The following DPP10 variants were observed in gnomAD, a reference collection of about 807,000 sequenced individuals.
DPP10 encodes inactive dipeptidyl peptidase 10.
Under a neutral mutation model 120.9 loss-of-function variants are expected in DPP10, and 33 were observed. The ratio of observed to expected loss-of-function variants is 0.27; its 90% CI spans 0.21 to 0.37. DPP10 has a LOEUF of 0.37. DPP10 is among the 10% of genes least tolerant of loss of function. The pLI, the probability that DPP10 is intolerant of heterozygous loss-of-function variation, is 1.00. For missense variants in DPP10, 816 were observed against 942.8 expected, an observed-to-expected ratio of 0.87 and a Z score of 1.76; for synonymous variants, 337 against 326.1, an observed-to-expected ratio of 1.03 and a Z score of -0.36.
At chr2:114,621,053 G>A (rs1459753369) in intron 1 of DPP10, among the ~76,000 whole-genome samples, 1 of 152,014 alleles carries the variant, frequency 6.6e-6, no homozygotes, top group Middle Eastern at 3.2e-3. Context: ...AGCTCTGTGG[G>A]GTTCTGAGAG....
intron 3 of DPP10, among the ~76,000 whole-genome samples, chr2:115,379,143 G>T (rs1325080101): frequency 6.6e-6 from 1 of 152,168 alleles, no homozygotes. Context: ...GTTCCTCCTT[G>T]TACCTCTGGT....
At chr2:115,214,173 G>A (rs1162524714) in intron 1 of DPP10, among the ~76,000 whole-genome samples, 2 of 152,158 alleles carry the variant, frequency 1.3e-5, no homozygotes, top group Non-Finnish European at 2.9e-5. Context: ...AGAACTGAGA[G>A]CAGTTGTGGA....
At chr2:114,941,463 C>G (rs772640947) in intron 1 of DPP10, among the ~76,000 whole-genome samples, 1 of 152,104 alleles carries the variant, frequency 6.6e-6, no homozygotes, top group Non-Finnish European at 1.5e-5. Flanking sequence ...TTAGTTATTC[C>G]TTGGATATTA....
At chr2:115,663,786 G>A (rs2149418037) in intron 5 of DPP10, among the ~76,000 whole-genome samples, 1 of 152,120 alleles carries the variant, frequency 6.6e-6, no homozygotes, top group South Asian at 2.1e-4. Context: ...CACGAGGTCG[G>A]GAGGTCCAGA....
At chr2:115,488,986 C>T (rs2075939653) in intron 3 of DPP10, among the ~76,000 whole-genome samples, 1 of 151,740 alleles carries the variant, frequency 6.6e-6, no homozygotes, top group African/African-American at 2.4e-5. Context: ...TTTTGGAAAT[C>T]CAAAAGAACA....
At chr2:115,780,147 CA>C (rs1321497356) in intron 15 of DPP10, among the ~76,000 whole-genome samples, 1 of 151,856 alleles carries the variant, frequency 6.6e-6, no homozygotes, top group Non-Finnish European at 1.5e-5. Context: ...CCAAATTTTG[CA>C]TTCAGACTTA....
intron 1 of DPP10, among the ~76,000 whole-genome samples, chr2:115,106,728 T>C (rs1216899877): frequency 6.6e-6 from 1 of 152,134 alleles, no homozygotes; most frequent in Non-Finnish European, 1.5e-5. Context: ...CCCAAAGTTC[T>C]GGGATTACAG....
At chr2:114,508,910 A>G (rs565956166) in intron 1 of DPP10, among the ~76,000 whole-genome samples, 1 of 152,104 alleles carries the variant, frequency 6.6e-6, no homozygotes, top group Non-Finnish European at 1.5e-5. Flanking sequence ...TTAATTATGT[A>G]TGCTTAAACT....
intron 1 of DPP10, among the ~76,000 whole-genome samples, chr2:115,125,703 C>G (rs2050043332): frequency 1.3e-5 from 2 of 151,430 alleles, no homozygotes; most frequent in Non-Finnish European, 2.9e-5. Flanking sequence ...TCCTGAGTAG[C>G]TGGGACTACA....
chr2:115,714,341 A>G (rs902484228), intron 7 of DPP10, among the ~76,000 whole-genome samples: 1 of 152,232 alleles, frequency 6.6e-6, no homozygotes, highest in African/African-American at 2.4e-5. Context: ...AATAATTTCC[A>G]GATCAATTAA....
intron 7 of DPP10, among the ~76,000 whole-genome samples, chr2:115,703,466 A>G (rs1343735878): frequency 6.6e-6 from 1 of 152,032 alleles, no homozygotes; most frequent in Non-Finnish European, 1.5e-5. Flanking sequence ...GACAAGTTTG[A>G]AGTCTATGGA....
At chr2:115,048,260 G>A (rs190506464) in intron 1 of DPP10, among the ~76,000 whole-genome samples, 5 of 151,392 alleles carry the variant, frequency 3.3e-5, no homozygotes, top group Admixed American at 2.0e-4. Context: ...GCCTACCAGC[G>A]GCCAAATCAA....
chr2:115,538,194 G>C (rs971700400), intron 5 of DPP10, among the ~76,000 whole-genome samples: 1 of 151,882 alleles, frequency 6.6e-6, no homozygotes, highest in South Asian at 2.1e-4. Flanking sequence ...TGAAACAAAG[G>C]AAGTAAATTG....
chr2:114,552,611 A>G (rs1344626411), intron 1 of DPP10, among the ~76,000 whole-genome samples: 1 of 151,906 alleles, frequency 6.6e-6, no homozygotes, highest in Non-Finnish European at 1.5e-5. Flanking sequence ...AGTGGCCCCA[A>G]CTTGGATCAC....
In DPP10 at chr2:115,402,857, AT is replaced by A. The variant is rs1559548858; in HGVS notation, c.271+58946del. 2.9e-3 allele frequency among the ~76,000 whole-genome samples: 331 copies of A among 113,930 alleles called. 6 individuals carry two copies. Among genetic ancestry groups the A allele is most frequent in the African/African-American group, 0.01 (252 of 24,810 alleles). The allele number at this position is 113,930 out of a possible 152,430, so 74.7% of individuals were successfully genotyped here. The stretch of plus-strand genomic sequence containing the variant: ...ACACTACAAGGAAAAAAAAAAAAAT[AT>A]ATATATATATATATATATGTGTGTG... On this transcript the variant is annotated intron_variant, in intron 3 of 25. Coordinates refer to ENST00000410059, the MANE Select transcript of DPP10 (RefSeq NM_020868.6).
intron 1 of DPP10, among the ~76,000 whole-genome samples, chr2:114,781,789 T>A (rs1391530327): frequency 6.6e-6 from 1 of 152,042 alleles, no homozygotes; most frequent in Non-Finnish European, 1.5e-5. Flanking sequence ...TTCCAATGAG[T>A]TCTCTCAGGT....
intron 1 of DPP10, among the ~76,000 whole-genome samples, chr2:114,547,250 C>A (rs901114551): frequency 1.3e-5 from 2 of 152,336 alleles, no homozygotes; most frequent in Non-Finnish European, 2.9e-5. Context: ...TTCTCACCTC[C>A]TGCTACTTCC....
At chr2:114,452,665 T>C (rs1429374199) in intron 1 of DPP10, among the ~76,000 whole-genome samples, 2 of 152,066 alleles carry the variant, frequency 1.3e-5, no homozygotes, top group African/African-American at 2.4e-5. Context: ...ATTGAAAGCA[T>C]CAGAAAATAA....
At chr2:115,109,826 T>C (rs2049127251) in intron 1 of DPP10, among the ~76,000 whole-genome samples, 1 of 152,086 alleles carries the variant, frequency 6.6e-6, no homozygotes, top group African/African-American at 2.4e-5. Context: ...ACACTAAACA[T>C]CCTACAATTA....
Sources: allele counts gnomAD v4.1 joint callset (sites outside exome capture counted in the v4.1 genomes callset), GRCh38; gene constraint gnomAD v4.1.1; transcripts MANE v1.5; gene names NCBI Gene and HGNC (gene_info 2026-07-23, HGNC 2026-07-21).